SLC9A9: variants seen among roughly 807,000 people sequenced by gnomAD.
SLC9A9 encodes the protein solute carrier family 9 member A9.
SLC9A9 carries 62 observed loss-of-function variants against 77.8 expected under a neutral mutation model. The observed-to-expected ratio is 0.80, with a 90% confidence interval of 0.65 to 0.98. The LOEUF (loss-of-function observed/expected upper bound fraction) is 0.98, where lower values mean the gene tolerates loss of function less well. Ranked by LOEUF, SLC9A9 falls within the 50% of genes least tolerant of loss-of-function variation. SLC9A9 has a pLI of 0.00. For synonymous variants in SLC9A9, 320 were observed against 283.5 expected, an observed-to-expected ratio of 1.13 and a Z score of -1.29; for missense variants, 775 against 774.9, an observed-to-expected ratio of 1.00 and a Z score of 0.00.
intron 13 of SLC9A9, among the ~76,000 whole-genome samples, chr3:143,367,669 G>A (rs911129717): frequency 5.3e-5 from 8 of 152,264 alleles, no homozygotes; most frequent in Admixed American, 2.6e-4. Flanking sequence ...GCCAGCCCAC[G>A]GGAGGGTCCA....
intron 14 of SLC9A9, among the ~76,000 whole-genome samples, chr3:143,306,721 C>A (rs1261694366): frequency 6.6e-6 from 1 of 152,180 alleles, no homozygotes; most frequent in East Asian, 1.9e-4. Flanking sequence ...TGTCCCTCAA[C>A]ACATTCTCCA....
rs1005902179 is a variant in SLC9A9, at chr3:143,578,874, T to C, written c.756-151A>G. ...GGAAAACAGATACAGAAGGGGAGAG[T>C]TGGAGAATGCAGAAATCTTTCTGCT... is the stretch of plus-strand genomic sequence containing the variant. On this transcript the variant is annotated intron_variant, in intron 6 of 15. Coordinates refer to ENST00000316549, the MANE Select transcript of SLC9A9 (RefSeq NM_173653.4). The C allele has an allele frequency of 4.4e-6, 4 of 915,238 alleles. No individual in the cohort carries two copies. The African/African-American group carries it at 4.9e-5, about 11-fold the overall frequency. The allele number at this position is 915,238 out of a possible 1,614,324, so 56.7% of individuals were successfully genotyped here. A position where few individuals can be genotyped will look rare whatever the true frequency, so the allele number is the denominator to read the frequency against.
chr3:143,458,708 A>G (rs2035136261), intron 12 of SLC9A9, among the ~76,000 whole-genome samples: 1 of 152,132 alleles, frequency 6.6e-6, no homozygotes, highest in South Asian at 2.1e-4. Flanking sequence ...TACCACTTAC[A>G]GGTCCCTCTA....
chr3:143,355,575 C>T (rs543251443), intron 14 of SLC9A9, among the ~76,000 whole-genome samples: 13 of 152,254 alleles, frequency 8.5e-5, no homozygotes, highest in Non-Finnish European at 1.5e-4. Context: ...GACTTGCTTC[C>T]GTTTGATAAA....
chr3:143,472,210 A>AGTT (rs2035390101), intron 11 of SLC9A9, among the ~76,000 whole-genome samples: 1 of 152,228 alleles, frequency 6.6e-6, no homozygotes, highest in Non-Finnish European at 1.5e-5. Flanking sequence ...TCCAGTGTTC[A>AGTT]TGGTCCTACA....
At chr3:143,556,516 C>A (rs899467033) in intron 8 of SLC9A9, among the ~76,000 whole-genome samples, 1 of 152,224 alleles carries the variant, frequency 6.6e-6, no homozygotes, top group African/African-American at 2.4e-5. Context: ...AATGATACAC[C>A]TCAGAAAGGG....
At chr3:143,818,369 C>G (rs548627584) in intron 2 of SLC9A9, among the ~76,000 whole-genome samples, 30 of 152,252 alleles carry the variant, frequency 2.0e-4, no homozygotes, top group Admixed American at 1.8e-3. Flanking sequence ...TTCAATGTCT[C>G]AATCTCAGCT....
At chr3:143,802,962 C>A (rs1258265056) in intron 2 of SLC9A9, among the ~76,000 whole-genome samples, 1 of 152,154 alleles carries the variant, frequency 6.6e-6, no homozygotes. Context: ...GCAGGCTAGA[C>A]AGGAAATTCG....
At chr3:143,677,895 C>T (rs899754350) in intron 5 of SLC9A9, among the ~76,000 whole-genome samples, 7 of 147,868 alleles carry the variant, frequency 4.7e-5, no homozygotes, top group African/African-American at 1.8e-4. Context: ...GGCACAATCT[C>T]GGCTCACTGC....
intron 4 of SLC9A9, among the ~76,000 whole-genome samples, chr3:143,736,411 G>A (rs1934942587): frequency 6.6e-6 from 1 of 152,082 alleles, no homozygotes; most frequent in African/African-American, 2.4e-5. Context: ...CTAAGCATCG[G>A]CTACATAGCA....
At chr3:143,489,703 G>A (rs936835034) in intron 11 of SLC9A9, among the ~76,000 whole-genome samples, 6 of 151,906 alleles carry the variant, frequency 3.9e-5, no homozygotes, top group African/African-American at 1.2e-4. Context: ...AAAAAATATT[G>A]TGCATCAAAA....
chr3:143,767,584 C>A (rs529413512), intron 4 of SLC9A9, among the ~76,000 whole-genome samples: 1 of 152,110 alleles, frequency 6.6e-6, no homozygotes, highest in Non-Finnish European at 1.5e-5. Context: ...ACACCATAGA[C>A]TCCTTGGTTT....
chr3:143,663,620 A>G (rs1159053064), intron 5 of SLC9A9, among the ~76,000 whole-genome samples: 2 of 152,306 alleles, frequency 1.3e-5, no homozygotes, highest in Non-Finnish European at 2.9e-5. Flanking sequence ...AGAAGACCTT[A>G]AATGACCTGG....
chr3:143,592,134 G>A (rs1218874735), intron 6 of SLC9A9, among the ~76,000 whole-genome samples: 1 of 152,238 alleles, frequency 6.6e-6, no homozygotes, highest in African/African-American at 2.4e-5. Flanking sequence ...ACTGACAGTA[G>A]AACAAGGAGG....
At chr3:143,725,344 T>C (rs527709915) in intron 4 of SLC9A9, among the ~76,000 whole-genome samples, 4 of 152,152 alleles carry the variant, frequency 2.6e-5, no homozygotes, top group Admixed American at 2.0e-4. Flanking sequence ...CTCAGGGATC[T>C]AGAACTAGAA....
Position 143,796,817 on chromosome 3 carries a change from T to C in SLC9A9, c.456+9A>G, listed in dbSNP as rs780134492. ...TGATAAAAGAAGAAAATGATCACTA[T>C]ATATTTACCTTCTTTAGACTATATC... is the stretch of plus-strand genomic sequence containing the variant. On this transcript the variant is annotated intron_variant, in intron 3 of 15. Coordinates refer to ENST00000316549, the MANE Select transcript of SLC9A9 (RefSeq NM_173653.4). 9 of 1,580,948 alleles carry C rather than the reference T, an allele frequency of 5.7e-6. No individual in the cohort carries two copies. The highest frequency in any genetic ancestry group is 5.1e-5 in the Admixed American group (3 of 59,390).
intron 12 of SLC9A9, among the ~76,000 whole-genome samples, chr3:143,406,466 C>T (rs1335626987): frequency 6.6e-6 from 1 of 151,864 alleles, no homozygotes; most frequent in Non-Finnish European, 1.5e-5. Context: ...CAACCTCCGC[C>T]TCCTGGGTTC....
rs752189973 is a variant in SLC9A9 at position 143,266,201 on chromosome 3, A to T, written c.*501T>A. The T allele has an allele frequency of 7.5e-6, 5 of 667,650 alleles. No individual in the cohort carries two copies. The highest frequency in any genetic ancestry group is 1.1e-5 in the Non-Finnish European group (4 of 369,510). The allele number at this position is 667,650 out of a possible 1,614,324, so 41.4% of individuals were successfully genotyped here. On this transcript the variant is annotated 3_prime_UTR_variant, in exon 16 of 16. Transcript: ENST00000316549. ...TCTGGGCTCTGCCCTGGGGTCACTGAGAGCAAATGGGAGTCAAGTCCTCAA... is the reference window on the plus strand; with the variant it reads ...TCTGGGCTCTGCCCTGGGGTCACTGTGAGCAAATGGGAGTCAAGTCCTCAA...
chr3:143,759,516 C>T (rs373347279), intron 4 of SLC9A9, among the ~76,000 whole-genome samples: 14 of 152,072 alleles, frequency 9.2e-5, no homozygotes, highest in African/African-American at 3.4e-4. Context: ...AGTGGAAGGA[C>T]ATAGAACAGC....
Sources: gnomAD v4.1 joint callset for allele counts (sites outside exome capture counted in the v4.1 genomes callset) on GRCh38, gnomAD v4.1.1 for gene constraint, MANE v1.5 for transcripts, NCBI Gene and HGNC (gene_info 2026-07-23, HGNC 2026-07-21) for gene names.